LRRTM3: variants seen among roughly 807,000 people sequenced by gnomAD.
LRRTM3 encodes the protein leucine-rich repeat transmembrane neuronal protein 3.
LRRTM3 carries 24 observed loss-of-function variants against 44.7 expected under a neutral mutation model. The observed-to-expected ratio is 0.54, with a 90% CI of 0.39 to 0.76. The LOEUF is 0.76. Ranked by LOEUF, LRRTM3 falls within the 30% of genes least tolerant of loss-of-function variation. LRRTM3 has a pLI of 0.00. For missense variants in LRRTM3, 587 were observed against 702.2 expected (o/e 0.84, Z 1.85); for synonymous variants, 277 against 278.7 (o/e 0.99, Z 0.06).
intron 2 of LRRTM3, among the ~76,000 whole-genome samples, chr10:66,996,196 G>C (rs1380425883): frequency 6.6e-6 from 1 of 152,124 alleles, no homozygotes; most frequent in Non-Finnish European, 1.5e-5. Context: ...TGGTTTCAAG[G>C]AGACTGATAT....
At chr10:67,079,416 A>G (rs1368005022) in intron 2 of LRRTM3, among the ~76,000 whole-genome samples, 2 of 152,216 alleles carry the variant, frequency 1.3e-5, no homozygotes, top group Non-Finnish European at 2.9e-5. Context: ...TCTACATAAA[A>G]CATTTATTTC....
chr10:67,022,799 G>T (rs927523429), intron 2 of LRRTM3, among the ~76,000 whole-genome samples: 1 of 152,012 alleles, frequency 6.6e-6, no homozygotes, highest in Non-Finnish European at 1.5e-5. Context: ...TTAGCCGGGC[G>T]TGGTGGTGCA....
chr10:66,978,552 A>AAAAAAAAATATATAT, intron 2 of LRRTM3, among the ~76,000 whole-genome samples: 11 of 37,862 alleles, frequency 2.9e-4, no homozygotes, highest in East Asian at 1.7e-3. Flanking sequence ...AAAAAAAAAA[A>AAAAAAAAATATATAT]ATATATATAT....
At chr10:67,061,607 T>C (rs2133221032) in intron 2 of LRRTM3, among the ~76,000 whole-genome samples, 1 of 152,304 alleles carries the variant, frequency 6.6e-6, no homozygotes, top group Non-Finnish European at 1.5e-5. Context: ...ATTGTAGCAA[T>C]GTTTTAGCAG....
chr10:66,949,924 C>A (rs1054705108), intron 2 of LRRTM3, among the ~76,000 whole-genome samples: 1 of 152,174 alleles, frequency 6.6e-6, no homozygotes, highest in Admixed American at 6.6e-5. Flanking sequence ...GGGCCTAAAG[C>A]CAGACATTAA....
At chr10:66,994,068 C>G (rs1469909652) in intron 2 of LRRTM3, among the ~76,000 whole-genome samples, 1 of 152,054 alleles carries the variant, frequency 6.6e-6, no homozygotes, top group East Asian at 1.9e-4. Context: ...ATTAATCATG[C>G]CAGGTCAAAC....
chr10:67,052,828 GAAAACAA>G (rs1404975471), intron 2 of LRRTM3: 1 of 151,828 alleles, frequency 6.6e-6, no homozygotes, highest in African/African-American at 2.4e-5. Flanking sequence ...TCTGCTGAAT[GAAAACAA>G]AAAACAAAAA....
At chr10:66,996,594 G>A (rs1851356141) in intron 2 of LRRTM3, among the ~76,000 whole-genome samples, 1 of 130,434 alleles carries the variant, frequency 7.7e-6, no homozygotes, top group Non-Finnish European at 1.5e-5. Flanking sequence ...GTTGCAGTGG[G>A]TCAAGATCGC....
intron 2 of LRRTM3, among the ~76,000 whole-genome samples, chr10:66,965,947 A>G (rs1007156178): frequency 8.5e-5 from 13 of 152,300 alleles, no homozygotes; most frequent in Middle Eastern, 6.8e-3. Context: ...CAAGCACTAT[A>G]TAAGTCTGGA....
At chr10:67,067,460 T>A (rs958972584) in intron 2 of LRRTM3, among the ~76,000 whole-genome samples, 1 of 152,240 alleles carries the variant, frequency 6.6e-6, no homozygotes, top group Non-Finnish European at 1.5e-5. Flanking sequence ...ATTTCCACAA[T>A]TCATTTCAGG....
At chr10:66,962,964 A>G (rs1009214062) in intron 2 of LRRTM3, among the ~76,000 whole-genome samples, 1 of 148,420 alleles carries the variant, frequency 6.7e-6, no homozygotes, top group African/African-American at 2.5e-5. Context: ...GAATTCAATA[A>G]GTAGTTGTTG....
chr10:67,070,249 T>C (rs1856365989), intron 2 of LRRTM3, among the ~76,000 whole-genome samples: 1 of 152,184 alleles, frequency 6.6e-6, no homozygotes, highest in Admixed American at 6.5e-5. Flanking sequence ...TTGGATTGTC[T>C]TTTGTCTTTA....
At chr10:67,095,691 G>A (rs1857948397) in intron 2 of LRRTM3, among the ~76,000 whole-genome samples, 1 of 151,680 alleles carries the variant, frequency 6.6e-6, no homozygotes, top group African/African-American at 2.4e-5. Context: ...CATATATGAG[G>A]CATAAGTTTC....
intron 2 of LRRTM3, among the ~76,000 whole-genome samples, chr10:67,076,258 C>A (rs1034820583): frequency 3.9e-5 from 6 of 152,230 alleles, no homozygotes; most frequent in African/African-American, 1.4e-4. Flanking sequence ...AGGATTAATG[C>A]TAACTTTTCA....
At chr10:67,091,452 T>C (rs976219754) in intron 2 of LRRTM3, among the ~76,000 whole-genome samples, 11 of 151,722 alleles carry the variant, frequency 7.3e-5, no homozygotes, top group African/African-American at 2.7e-4. Context: ...CCCACTTCTT[T>C]CCAAAGACAA....
intron 2 of LRRTM3, among the ~76,000 whole-genome samples, chr10:66,967,449 CAATT>C (rs1849492870): frequency 1.3e-5 from 2 of 151,592 alleles, no homozygotes; most frequent in African/African-American, 4.8e-5. Flanking sequence ...ATATGAATTA[CAATT>C]AATTAATCAA....
chr10:66,952,972 A>G (rs1372167290), intron 2 of LRRTM3, among the ~76,000 whole-genome samples: 2 of 152,076 alleles, frequency 1.3e-5, no homozygotes, highest in African/African-American at 2.4e-5. Flanking sequence ...AAGACCTCCA[A>G]GTAGTTTTCA....
chr10:66,988,619 T>C (rs920069855), intron 2 of LRRTM3, among the ~76,000 whole-genome samples: 1 of 152,306 alleles, frequency 6.6e-6, no homozygotes, highest in South Asian at 2.1e-4. Flanking sequence ...TTTTGTTTGA[T>C]ACACTATGTT....
intron 2 of LRRTM3, among the ~76,000 whole-genome samples, chr10:66,985,851 C>G (rs892267907): frequency 6.6e-6 from 1 of 152,038 alleles, no homozygotes; most frequent in Non-Finnish European, 1.5e-5. Flanking sequence ...CCTCAGCCTC[C>G]CAAGTAACTG....
Sources: gnomAD v4.1 joint callset for allele counts (sites outside exome capture counted in the v4.1 genomes callset) on GRCh38, gnomAD v4.1.1 for gene constraint, MANE v1.5 for transcripts, NCBI Gene and HGNC (gene_info 2026-07-23, HGNC 2026-07-21) for gene names.